Variants in ATPAF1 observed in about 807,000 individuals in gnomAD.
ATPAF1 encodes the protein ATP synthase mitochondrial F1 complex assembly factor 1, also known as homolog of yeast ATP11.
Under a neutral mutation model 43.9 loss-of-function variants are expected in ATPAF1, and 26 were observed. The ratio of observed to expected loss-of-function variants is 0.59; its 90% CI spans 0.43 to 0.82. The LOEUF is 0.82. Ranked by LOEUF, ATPAF1 falls within the 40% of genes least tolerant of loss-of-function variation. ATPAF1 has a pLI of 0.00. For missense variants in ATPAF1, 366 were observed against 435.0 expected (o/e 0.84, Z 1.41); for synonymous variants, 157 against 168.0 (o/e 0.93, Z 0.50).
chr1:46,652,205 CAA>C (rs10718568), intron 6 of ATPAF1, among the ~76,000 whole-genome samples: 1,703 of 109,704 alleles, frequency 0.016, 11 homozygotes, highest in Middle Eastern at 0.023. Flanking sequence ...ATAATAAAAG[CAA>C]AAAAAAAAAA....
intron 6 of ATPAF1, among the ~76,000 whole-genome samples, chr1:46,648,080 T>C (rs962378204): frequency 1.3e-5 from 2 of 152,174 alleles, no homozygotes; most frequent in Non-Finnish European, 2.9e-5. Flanking sequence ...GGTATGCAAA[T>C]AGAATGTTTT....
intron 7 of ATPAF1, among the ~76,000 whole-genome samples, chr1:46,644,819 T>C (rs1676010141): frequency 6.6e-6 from 1 of 152,186 alleles, no homozygotes; most frequent in South Asian, 2.1e-4. Context: ...ACTTGGAGCT[T>C]TCCTCAAGGG....
In ATPAF1 at chr1:46,668,070, G is replaced by A; in HGVS notation, c.253C>T (p.Gln85Ter). 1 of 1,440,760 alleles carries A rather than the reference G, an allele frequency of 6.9e-7. No individual in the cohort carries two copies. Among genetic ancestry groups the A allele is most frequent in the Non-Finnish European group, 9.1e-7 (1 of 1,093,902 alleles). 89.2% of individuals were successfully genotyped at this position (1,440,760 alleles called of 1,614,324 possible). A position where few individuals can be genotyped will look rare whatever the true frequency, so the allele number is the denominator to read the frequency against. Residue 85 changes from glutamine (Q) to a stop codon, truncating the protein, a stop_gained, in exon 1 of 9, where the codon CAG (glutamine) becomes TAG (stop). Coordinates refer to ENST00000574428, the Ensembl canonical transcript of ATPAF1. LOFTEE classifies it high-confidence loss of function. This position sits in a 1 kb window ranked among gnomAD's most constrained non-coding sequence, Gnocchi z 4.4. ...CCAGGCCCGCACCTGCGCAGCAGCT[G>A]GATCTTGTCGCGGTAGCGGTCGTAG...
chr1:46,654,457 T>C (rs1182464840), intron 4 of ATPAF1, among the ~76,000 whole-genome samples: 1 of 151,904 alleles, frequency 6.6e-6, no homozygotes, highest in Non-Finnish European at 1.5e-5. Context: ...TAGCTTTTGT[T>C]AGATATTGTA....
intron 4 of ATPAF1, among the ~76,000 whole-genome samples, chr1:46,655,394 C>T (rs1279460613): frequency 3.3e-5 from 5 of 151,928 alleles, no homozygotes; most frequent in East Asian, 1.9e-4. Flanking sequence ...TTGACACTAA[C>T]GAACAAGGAA....
At chr1:46,637,355 G>A (rs1000131378) in intron 8 of ATPAF1, among the ~76,000 whole-genome samples, 3 of 152,126 alleles carry the variant, frequency 2.0e-5, no homozygotes, top group African/African-American at 7.2e-5. Context: ...ACTCCAGCCT[G>A]GGTAACAGAG....
chr1:46,651,433 T>G (rs1244821628), intron 6 of ATPAF1, among the ~76,000 whole-genome samples: 1 of 152,216 alleles, frequency 6.6e-6, no homozygotes, highest in East Asian at 1.9e-4. Context: ...AAGTCTTTGC[T>G]ATTGTGAATA....
At chr1:46,638,771 G>A (rs1675892245) in intron 8 of ATPAF1, among the ~76,000 whole-genome samples, 1 of 149,962 alleles carries the variant, frequency 6.7e-6, no homozygotes, top group Admixed American at 6.7e-5. Context: ...TATTCTCTTG[G>A]CTTTCAACAT....
At chr1:46,661,081 T>A (rs1676377644) in intron 2 of ATPAF1, among the ~76,000 whole-genome samples, 2 of 151,822 alleles carry the variant, frequency 1.3e-5, no homozygotes, top group South Asian at 4.1e-4. Flanking sequence ...TGGAGGTTTT[T>A]TTTTTTTTGG....
downstream of ATPAF1, chr1:46,633,137 G>GTC (rs569831027): frequency 8.5e-5 from 13 of 152,972 alleles, no homozygotes; most frequent in African/African-American, 3.1e-4. Flanking sequence ...GTACGTGTGT[G>GTC]GGGGGGTGGT....
At chr1:46,655,520 C>T (rs1676254630) in intron 4 of ATPAF1, among the ~76,000 whole-genome samples, 1 of 152,010 alleles carries the variant, frequency 6.6e-6, no homozygotes, top group African/African-American at 2.4e-5. Flanking sequence ...GTCCTACCAC[C>T]CTAACAAAGA....
intron 2 of ATPAF1, among the ~76,000 whole-genome samples, chr1:46,662,129 C>T (rs908784498): frequency 6.6e-6 from 1 of 151,566 alleles, no homozygotes; most frequent in African/African-American, 2.4e-5. Context: ...CTCCTGACCT[C>T]GTGATCTGCC....
At chr1:46,658,646 T>A in intron 3 of ATPAF1, 41 bp downstream of exon 3, 1 of 1,505,614 alleles carries the variant, frequency 6.6e-7, no homozygotes, top group Non-Finnish European at 9.1e-7. Flanking sequence ...ATGTCCCATA[T>A]GACTTCAAGC....
chr1:46,654,561 G>T (rs647047), intron 4 of ATPAF1, among the ~76,000 whole-genome samples: 2 of 120,822 alleles, frequency 1.7e-5, no homozygotes, highest in Non-Finnish European at 4.0e-5. Flanking sequence ...TATTATTATT[G>T]TACTTTAAGT....
At position 46,647,870 on chromosome 1, in the gene ATPAF1, G is replaced by A. The variant is rs79598961; in HGVS notation, c.589-2614C>T. The stretch of plus-strand genomic sequence containing the variant: ...GTCATTCTAATGGTATCTCACTGTA[G>A]TAATTTGGATTCCCATTATGACTAA... On this transcript the variant is annotated intron_variant, in intron 6 of 8. Transcript: ENST00000574428. 5.9e-5 allele frequency among the ~76,000 whole-genome samples: 9 copies of A among 152,290 alleles called. No homozygotes were observed. The East Asian group carries it at 1.7e-3, about 29-fold the overall frequency.
chr1:46,650,794 C>T (rs1177692269), intron 6 of ATPAF1, among the ~76,000 whole-genome samples: 1 of 149,924 alleles, frequency 6.7e-6, no homozygotes, highest in Non-Finnish European at 1.5e-5. Flanking sequence ...ACCACATGTT[C>T]TCACATGTTG....
At chr1:46,632,989 T>C (rs903397475), downstream of ATPAF1, 2 of 152,650 alleles carry the variant, frequency 1.3e-5, no homozygotes, top group Admixed American at 6.5e-5. Context: ...AAGAAAGACC[T>C]GGCAATGTAC....
At chr1:46,637,956 T>C (rs1254022795) in intron 8 of ATPAF1, among the ~76,000 whole-genome samples, 1 of 152,188 alleles carries the variant, frequency 6.6e-6, no homozygotes, top group Non-Finnish European at 1.5e-5. Context: ...CTGTTTCTGG[T>C]AGGGCAAGAT....
intron 3 of ATPAF1, 31 bp downstream of exon 3, chr1:46,658,656 C>A (rs1413552740): frequency 1.3e-6 from 2 of 1,555,850 alleles, no homozygotes; most frequent in African/African-American, 1.4e-5. Flanking sequence ...TGACTTCAAG[C>A]TTTTTTTCCT....
Sources: allele counts gnomAD v4.1 joint callset (sites outside exome capture counted in the v4.1 genomes callset), GRCh38; gene constraint gnomAD v4.1.1; non-coding constraint Gnocchi (gnomAD v3.1); transcripts MANE v1.5; gene names NCBI Gene and HGNC (gene_info 2026-07-23, HGNC 2026-07-21).